Variants in DPP6 observed in about 807,000 individuals in gnomAD.
DPP6 encodes A-type potassium channel modulatory protein DPP6.
Under a neutral mutation model 122.6 loss-of-function variants are expected in DPP6, and 69 were observed. That is an observed-to-expected ratio of 0.56 (90% CI 0.46 to 0.69). The LOEUF is 0.69. Ranked by LOEUF, DPP6 falls within the 30% of genes least tolerant of loss-of-function variation. DPP6 has a pLI of 0.00. For missense variants in DPP6, 928 were observed against 1,116.9 expected, an observed-to-expected ratio of 0.83 and a Z score of 2.41; for synonymous variants, 418 against 433.1, an observed-to-expected ratio of 0.97 and a Z score of 0.43.
intron 1 of DPP6, among the ~76,000 whole-genome samples, chr7:154,429,166 G>T (rs1818151373): frequency 7.6e-6 from 1 of 131,910 alleles, no homozygotes; most frequent in African/African-American, 3.0e-5. Context: ...CTGAGCTTCT[G>T]CTTCTTAATC....
At chr7:154,207,028 C>T (rs1284998867) in intron 1 of DPP6, among the ~76,000 whole-genome samples, 3 of 152,162 alleles carry the variant, frequency 2.0e-5, no homozygotes. Flanking sequence ...CACGCTGGCC[C>T]CTTACATAGC....
At chr7:154,499,088 G>T (rs1425490800) in intron 3 of DPP6, among the ~76,000 whole-genome samples, 1 of 152,146 alleles carries the variant, frequency 6.6e-6, no homozygotes, top group Non-Finnish European at 1.5e-5. Context: ...TTTGTTACTT[G>T]CACAGAAGTC....
In DPP6 at chr7:154,061,911, CT is replaced by C. The variant is rs779680344; in HGVS notation, c.243+8849del. Among the ~76,000 whole-genome samples, 158 of 131,380 alleles carry C rather than the reference CT, an allele frequency of 1.2e-3. 6 individuals carry two copies. The highest frequency in any genetic ancestry group is 8.5e-3 in the East Asian group (38 of 4,496). The allele number at this position is 131,380 out of a possible 152,430, so 86.2% of individuals were successfully genotyped here. On this transcript the variant is annotated intron_variant, in intron 1 of 25. Coordinates refer to ENST00000377770, the MANE Select transcript of DPP6 (RefSeq NM_130797.4). ...CTGAGAGGCAATCCCTCTTCCCCCCCTGGCTCTGAGGACCCCCATCGCAGGA... is the reference window on the plus strand; with the variant it reads ...CTGAGAGGCAATCCCTCTTCCCCCCCGGCTCTGAGGACCCCCATCGCAGGA...
At chr7:154,460,171 G>A (rs947389486) in intron 2 of DPP6, among the ~76,000 whole-genome samples, 10 of 151,786 alleles carry the variant, frequency 6.6e-5, no homozygotes, top group African/African-American at 1.9e-4. Flanking sequence ...TAATAGAGAC[G>A]GGGTTTCGCG....
intron 10 of DPP6, among the ~76,000 whole-genome samples, chr7:154,777,871 A>G (rs1187594132): frequency 6.6e-6 from 1 of 152,112 alleles, no homozygotes; most frequent in Non-Finnish European, 1.5e-5. Context: ...ACGGCTCACG[A>G]AAGGCTCAGA....
At chr7:154,666,448 A>C (rs914765603) in intron 6 of DPP6, among the ~76,000 whole-genome samples, 2 of 152,092 alleles carry the variant, frequency 1.3e-5, no homozygotes, top group African/African-American at 4.8e-5. Flanking sequence ...TGAAATTATT[A>C]AATCAAGCTA....
At chr7:154,253,936 A>T (rs1802503366) in intron 1 of DPP6, among the ~76,000 whole-genome samples, 1 of 152,204 alleles carries the variant, frequency 6.6e-6, no homozygotes, top group Admixed American at 6.5e-5. Flanking sequence ...GGAGAGCGAG[A>T]GAGAGCAAGC....
intron 16 of DPP6, among the ~76,000 whole-genome samples, chr7:154,850,165 T>C (rs1563280948): frequency 2.6e-5 from 4 of 152,182 alleles, no homozygotes; most frequent in Admixed American, 6.5e-5. Flanking sequence ...TGAACCCAAT[T>C]TGTAGTCTTT....
intron 1 of DPP6, among the ~76,000 whole-genome samples, chr7:154,259,043 A>AG (rs1173636286): frequency 1.3e-5 from 2 of 152,170 alleles, no homozygotes; most frequent in Non-Finnish European, 2.9e-5. Flanking sequence ...ATCGGACGGA[A>AG]GTAACACCAG....
chr7:154,794,306 G>C, intron 11 of DPP6, 104 bp downstream of exon 11: 1 of 1,384,252 alleles, frequency 7.2e-7, no homozygotes, highest in East Asian at 2.8e-5. Flanking sequence ...CTGGGACTTG[G>C]GGACCGGCCG....
intron 1 of DPP6, among the ~76,000 whole-genome samples, chr7:154,134,364 G>A (rs1795435669): frequency 6.6e-6 from 1 of 152,106 alleles, no homozygotes; most frequent in African/African-American, 2.4e-5. Flanking sequence ...TGCTTCCACA[G>A]CTCCTTGTAC....
At chr7:153,825,707 A>G in the DPP6 span, among the ~76,000 whole-genome samples, 2 of 152,096 alleles carry the variant, frequency 1.3e-5, no homozygotes, top group African/African-American at 4.8e-5. Context: ...TTACAAGTGC[A>G]CACCACAACG....
At chr7:154,101,992 C>G (rs1805766459) in intron 1 of DPP6, among the ~76,000 whole-genome samples, 2 of 149,220 alleles carry the variant, frequency 1.3e-5, no homozygotes, top group South Asian at 4.3e-4. Context: ...TACCGTCTTA[C>G]TCATTTCTTC....
chr7:154,773,102 T>C (rs1215985573), intron 10 of DPP6, among the ~76,000 whole-genome samples, 160 bp downstream of exon 10: 1 of 152,224 alleles, frequency 6.6e-6, no homozygotes, highest in Non-Finnish European at 1.5e-5. Context: ...ATGATTCCAT[T>C]TTCTAGGAAA....
intron 1 of DPP6, among the ~76,000 whole-genome samples, chr7:154,310,084 G>A (rs1323812742): frequency 1.3e-5 from 2 of 152,190 alleles, no homozygotes; most frequent in Admixed American, 6.5e-5. Context: ...ATGTGTGAAG[G>A]ATTTGAGGAG....
At chr7:154,846,206 T>C in intron 16 of DPP6, among the ~76,000 whole-genome samples, 1 of 149,990 alleles carries the variant, frequency 6.7e-6, no homozygotes, top group East Asian at 1.9e-4. Context: ...TATATAAATA[T>C]ATATAAATAA....
intron 1 of DPP6, among the ~76,000 whole-genome samples, chr7:154,233,796 A>G (rs141634761): frequency 1.6e-4 from 25 of 152,316 alleles, no homozygotes; most frequent in African/African-American, 4.8e-4. Flanking sequence ...AAGCCACCTG[A>G]TCTGTAGGAC....
intron 1 of DPP6, among the ~76,000 whole-genome samples, chr7:154,331,150 A>G (rs1178667980): frequency 6.6e-6 from 1 of 152,164 alleles, no homozygotes; most frequent in South Asian, 2.1e-4. Context: ...GACCCCAAAG[A>G]TACATGGGTA....
intron 1 of DPP6, among the ~76,000 whole-genome samples, chr7:154,260,044 T>A (rs1802895172): frequency 6.6e-6 from 1 of 152,068 alleles, no homozygotes; most frequent in African/African-American, 2.4e-5. Context: ...TCTAGAGAAT[T>A]GACATGTGAA....
Sources: allele counts gnomAD v4.1 joint callset (sites outside exome capture counted in the v4.1 genomes callset), GRCh38; gene constraint gnomAD v4.1.1; transcripts MANE v1.5; gene names NCBI Gene and HGNC (gene_info 2026-07-23, HGNC 2026-07-21).